UGGT1: variants seen among roughly 807,000 people sequenced by gnomAD.
UGGT1 encodes the protein UDP-glucose glycoprotein glucosyltransferase 1, also known as UDP-glucose:glycoprotein glucosyltransferase 1.
UGGT1 carries 107 observed loss-of-function variants against 203.9 expected under a neutral mutation model. That is an observed-to-expected ratio of 0.52 (90% confidence interval 0.45 to 0.62). The LOEUF (loss-of-function observed/expected upper bound fraction) is 0.62. Among genes scored for constraint, UGGT1 ranks in the 20% least tolerant of loss-of-function variants. The probability of loss-of-function intolerance (pLI) is 0.00; values close to 1 mark genes in which losing one functional copy is unlikely to be tolerated. For synonymous variants in UGGT1, 628 were observed against 653.5 expected (o/e 0.96, Z 0.59); for missense variants, 1,673 against 1,867.2 (o/e 0.90, Z 1.92).
chr2:128,168,955 G>A (rs924590016), intron 26 of UGGT1, among the ~76,000 whole-genome samples: 1 of 151,102 alleles, frequency 6.6e-6, no homozygotes, highest in Admixed American at 6.6e-5. Flanking sequence ...GCTGGGGCGC[G>A]AGGATTGCTT....
chr2:128,133,161 T>C lies in UGGT1; in HGVS notation c.1398T>C (p.Val466=). 1.2e-6 allele frequency: 2 copies of C among 1,614,090 alleles called. No homozygotes were observed. ...TGTAGTGGGTCAACAACCTGGAGGTTGATAGCAGATATAATTCGTGGCCTT... is the reference window on the plus strand; with the variant it reads ...TGTAGTGGGTCAACAACCTGGAGGTCGATAGCAGATATAATTCGTGGCCTT... The part of the protein sequence containing the change: ...PAISWVNNLE[V]DSRYNSWPSS... The change falls in exon 14 of 41, where the codon GTT becomes GTC. Residue 466 remains valine, a synonymous_variant. Coordinates refer to ENST00000259253, the MANE Select transcript of UGGT1 (RefSeq NM_020120.4).
At chr2:128,149,624 T>C (rs1689852233) in intron 18 of UGGT1, among the ~76,000 whole-genome samples, 1 of 149,532 alleles carries the variant, frequency 6.7e-6, no homozygotes, top group Admixed American at 6.7e-5. Context: ...AAAAAAAAAA[T>C]TAGCTGGACA....
chr2:128,173,826 C>CTGG lies in UGGT1; in HGVS notation c.3341_3343dup (p.Leu1114_Glu1115insVal). ...TGAGTATGAGCTGGAATACCTGTTACTGGAAGGTCATTGCTACGACATCAC... is the reference window on the plus strand; with the variant it reads ...TGAGTATGAGCTGGAATACCTGTTACTGGTGGAAGGTCATTGCTACGACATCAC... On this transcript the variant is annotated inframe_insertion, in exon 30 of 41. Transcript: ENST00000259253. The CTGG allele has an allele frequency of 6.2e-7, 1 of 1,614,146 alleles. No individual in the cohort carries two copies. The highest frequency in any genetic ancestry group is 1.1e-5 in the South Asian group (1 of 91,080).
rs1688956907 is a variant in UGGT1, at chr2:128,133,050, C to A, written c.1378-91C>A. On this transcript the variant is annotated intron_variant, in intron 13 of 40. Transcript: ENST00000259253. Reference sequence around the variant, plus strand: ...AATGGTCTTGTCTCACATGATTCTTCTTAAAATATTTTAAAGTCTTATTGA... The same window carrying A: ...AATGGTCTTGTCTCACATGATTCTTATTAAAATATTTTAAAGTCTTATTGA... The A allele has an allele frequency of 2.7e-6, 4 of 1,481,474 alleles. No individual in the cohort carries two copies. The East Asian group carries it at 9.5e-5, about 35-fold the overall frequency. The allele number at this position is 1,481,474 out of a possible 1,614,324, so 91.8% of individuals were successfully genotyped here.
In UGGT1 at chr2:128,091,328, G is replaced by T; in HGVS notation, c.-30G>T. ...CCGCCCTGCCCTGGCGTTGTCTCTG[G>T]CACTGTGGCGGACTGACCACGGCCC... On this transcript the variant is annotated 5_prime_UTR_variant, in exon 1 of 41. Coordinates refer to ENST00000259253, the MANE Select transcript of UGGT1 (RefSeq NM_020120.4). The T allele has an allele frequency of 6.5e-7, 1 of 1,545,770 alleles. No individual in the cohort carries two copies. The highest frequency in any genetic ancestry group is 8.7e-7 in the Non-Finnish European group (1 of 1,145,136).
At chr2:128,131,247 A>C (rs1332112160) in intron 13 of UGGT1, among the ~76,000 whole-genome samples, 3 of 149,038 alleles carry the variant, frequency 2.0e-5, no homozygotes, top group Non-Finnish European at 4.5e-5. Flanking sequence ...AAAAAAAAAA[A>C]AAAAAAAAAA....
At position 128,155,549 on chromosome 2, in the gene UGGT1, C is replaced by T; in HGVS notation, c.2198C>T (p.Ala733Val). The T allele has an allele frequency of 6.2e-7, 1 of 1,613,386 alleles. No homozygotes were observed. The highest frequency in any genetic ancestry group is 8.5e-7 in the Non-Finnish European group (1 of 1,179,756). ...ATCTTGGATTCCCAAGGCAAGACTG[C>T]TGCTGTAGCCAATAGTATGAACTAT... ...FTILDSQGKT[A>V]AVANSMNYLT... The change falls in exon 20 of 41, where the codon GCT becomes GTT. Residue 733 changes from alanine to valine, a missense_variant. Ala to Val is a moderately conservative substitution (Grantham distance 64, BLOSUM62 0). Transcript: ENST00000259253.
chr2:128,189,656 C>G (rs1404215126), intron 40 of UGGT1, 61 bp from the exon 41 acceptor site: 29 of 1,561,050 alleles, frequency 1.9e-5, no homozygotes, highest in Admixed American at 1.2e-4. Flanking sequence ...AATGCCCACT[C>G]AGTGGTGTTT....
intron 2 of UGGT1, among the ~76,000 whole-genome samples, chr2:128,102,418 A>G (rs1266726893): frequency 6.6e-6 from 1 of 152,226 alleles, no homozygotes; most frequent in Non-Finnish European, 1.5e-5. Flanking sequence ...TGCTGGGATT[A>G]CAGGCGTGAG....
Position 128,179,802 on chromosome 2 carries a change from G to C in UGGT1, c.3832G>C (p.Val1278Leu). The change falls in exon 35 of 41, where the codon GTG (valine) becomes CTG (leucine). Residue 1278 changes from valine to leucine, a missense_variant. Val to Leu is a conservative substitution (Grantham distance 32). This residue lies in a region of UGGT1 where 513 missense variants were observed against 684.1 expected (regional missense o/e 0.75). Coordinates refer to ENST00000259253, the MANE Select transcript of UGGT1 (RefSeq NM_020120.4). Reference protein sequence around the residue: ...ERFLRIMMLSVLKNTKTPVKF... With the variant: ...ERFLRIMMLSLLKNTKTPVKF... ...GTTTGGCAGCATAATGATGCTATCCGTGCTGAAGAATACCAAGACTCCTGT... is the reference window on the plus strand; with the variant it reads ...GTTTGGCAGCATAATGATGCTATCCCTGCTGAAGAATACCAAGACTCCTGT... 6.2e-7 allele frequency: 1 copy of C among 1,613,626 alleles called. No individual in the cohort carries two copies. Among genetic ancestry groups the C allele is most frequent in the Non-Finnish European group, 8.5e-7 (1 of 1,179,892 alleles).
chr2:128,173,124 G>A lies in UGGT1; in HGVS notation c.3294+362G>A, dbSNP rs910992395. Among the ~76,000 whole-genome samples, 3 of 152,316 alleles carry A rather than the reference G, an allele frequency of 2.0e-5. No homozygotes were observed. In the South Asian group the frequency reaches 6.2e-4, roughly 32 times the overall value. The stretch of plus-strand genomic sequence containing the variant: ...CCTATTCTGACATTTTGTCTAAATA[G>A]AATCAAATGTGGTCTTCTGTAACTG... On this transcript the variant is annotated intron_variant, in intron 29 of 40. Transcript: ENST00000259253.
chr2:128,116,533 CT>C (rs34963700), intron 8 of UGGT1, among the ~76,000 whole-genome samples, 190 bp downstream of exon 8: 3,788 of 148,734 alleles, frequency 0.025, 79 homozygotes, highest in Non-Finnish European at 0.038. Context: ...TCACATTATT[CT>C]TTTTTTTTTG....
Position 128,113,134 on chromosome 2 carries a change from C to G in UGGT1, c.572C>G (p.Pro191Arg), listed in dbSNP as rs1573512914. 1.9e-6 allele frequency: 3 copies of G among 1,611,534 alleles called. No homozygotes were observed. The East Asian group carries it at 6.7e-5, about 36-fold the overall frequency. The change falls in exon 6 of 41, where the codon CCT (proline) becomes CGT (arginine). Residue 191 changes from proline (P) to arginine (R), a missense_variant. Physicochemically the swap from Pro to Arg is moderately radical, Grantham distance 103. This residue lies in a region of UGGT1 where 1,073 missense variants were observed against 1,078.7 expected (regional missense o/e 0.99). Coordinates refer to ENST00000259253, the MANE Select transcript of UGGT1 (RefSeq NM_020120.4). ...GATCACAGATATCCCTCGTCTAATC[C>G]TGAAAGCCCTGTGGTGATTTTCTAC... ...KGDHRYPSSN[P>R]ESPVVIFYSE...
rs1573578380 is a variant in UGGT1, at chr2:128,151,241, G to A, written c.2017-1543G>A. On this transcript the variant is annotated intron_variant, in intron 18 of 40. Transcript: ENST00000259253. ...TTTTGTTTCTTCTGCTCCTCTTTTT[G>A]TTTCTGCTTGAAAGTCTTACCTTCC... 5.0e-6 allele frequency: 3 copies of A among 595,622 alleles called. No homozygotes were observed. The East Asian group carries it at 9.2e-5, about 18-fold the overall frequency. 36.9% of individuals were successfully genotyped at this position (595,622 alleles called of 1,614,324 possible).
At chr2:128,171,129 T>C in intron 27 of UGGT1, 76 bp from the exon 28 acceptor site, 3 of 1,331,516 alleles carry the variant, frequency 2.3e-6, no homozygotes, top group South Asian at 2.7e-5. Flanking sequence ...TCTTGAGATA[T>C]TAATAGCTCA....
At chr2:128,189,631 G>A (rs1692157207) in intron 40 of UGGT1, 86 bp from the exon 41 acceptor site, 1 of 1,362,478 alleles carries the variant, frequency 7.3e-7, no homozygotes, top group African/African-American at 1.4e-5. Context: ...CAAAGAATAG[G>A]TTCCAGTGAT....
intron 8 of UGGT1, 24 bp from the exon 9 acceptor site, chr2:128,120,332 G>A (rs373739698): frequency 2.6e-5 from 41 of 1,594,418 alleles, no homozygotes; most frequent in Non-Finnish European, 3.4e-5. Context: ...TAATGAAAAG[G>A]ACTGATTTTT....
chr2:128,121,238 C>G lies in UGGT1; in HGVS notation c.1013C>G (p.Pro338Arg). Residue 338 changes from proline to arginine, a missense_variant, in exon 10 of 41, where the codon CCT becomes CGT. Coordinates refer to ENST00000259253, the MANE Select transcript of UGGT1 (RefSeq NM_020120.4). ...ACTGCTGCTCGAATCTTGGCTTCTC[C>G]TGTTGAGTTGGCTTTGGTTGTCATG... The part of the protein sequence containing the change: ...FQTAARILAS[P>R]VELALVVMKD... 6.2e-7 allele frequency: 1 copy of G among 1,613,684 alleles called. No individual in the cohort carries two copies. The highest frequency in any genetic ancestry group is 8.5e-7 in the Non-Finnish European group (1 of 1,179,938).
chr2:128,097,582 T>G lies in UGGT1; in HGVS notation c.194+18T>G. The G allele has an allele frequency of 6.2e-7, 1 of 1,613,228 alleles. No homozygotes were observed. The highest frequency in any genetic ancestry group is 8.5e-7 in the Non-Finnish European group (1 of 1,179,754). On this transcript the variant is annotated intron_variant, in intron 2 of 40. Coordinates refer to ENST00000259253, the MANE Select transcript of UGGT1 (RefSeq NM_020120.4). ...GAAGCCAGGTAAGAGAACATTTTTT[T>G]TCCCTTCGTGTATTTGAGTATAAAT...
Sources: allele counts gnomAD v4.1 joint callset (sites outside exome capture counted in the v4.1 genomes callset), GRCh38; gene constraint gnomAD v4.1.1; regional missense constraint gnomAD v4.1.1; transcripts MANE v1.5; gene names NCBI Gene and HGNC (gene_info 2026-07-23, HGNC 2026-07-21).